Variants in ZNF451 observed in about 807,000 individuals in gnomAD.
ZNF451 encodes E3 SUMO-protein ligase ZNF451.
ZNF451 carries 80 observed loss-of-function variants against 107.1 expected under a neutral mutation model. The observed-to-expected ratio is 0.75, with a 90% CI of 0.62 to 0.90. ZNF451 has a LOEUF of 0.90. ZNF451 is among the 40% of genes least tolerant of loss of function. ZNF451 has a pLI of 0.00. For missense variants in ZNF451, 1,107 were observed against 1,236.2 expected, an observed-to-expected ratio of 0.90 and a Z score of 1.57; for synonymous variants, 362 against 406.5, an observed-to-expected ratio of 0.89 and a Z score of 1.32.
intron 14 of ZNF451, among the ~76,000 whole-genome samples, chr6:57,167,149 T>C (rs1413388649): frequency 6.6e-6 from 1 of 152,006 alleles, no homozygotes; most frequent in Non-Finnish European, 1.5e-5. Flanking sequence ...ATAACTTTAA[T>C]TGTAAAACAG....
intron 3 of ZNF451, among the ~76,000 whole-genome samples, chr6:57,114,610 C>T (rs1830275624): frequency 6.6e-6 from 1 of 152,078 alleles, no homozygotes; most frequent in African/African-American, 2.4e-5. Flanking sequence ...AGAAAAGTTA[C>T]ATACAATTTA....
intron 9 of ZNF451, among the ~76,000 whole-genome samples, chr6:57,143,637 ACGTAT>A (rs1831900473): frequency 6.6e-6 from 1 of 152,246 alleles, no homozygotes; most frequent in Non-Finnish European, 1.5e-5. Flanking sequence ...AGTTAAAAAT[ACGTAT>A]CTCTTTTTTC....
At position 57,113,653 on chromosome 6, in the gene ZNF451, G is replaced by A. The variant is rs1185449645; in HGVS notation, c.187-11081G>A. On this transcript the variant is annotated intron_variant, in intron 3 of 14. Transcript: ENST00000370706. ...TTTTTTTTTTTTGAGATGGAGTCTC[G>A]CTCTGTCACCCAGGCTGGAGTGCAG... 1.6e-4 allele frequency among the ~76,000 whole-genome samples: 23 copies of A among 142,604 alleles called. No homozygotes were observed. The East Asian group carries it at 3.2e-3, about 20-fold the overall frequency. The allele number at this position is 142,604 out of a possible 152,430, so 93.6% of individuals were successfully genotyped here.
intron 3 of ZNF451, chr6:57,101,257 G>A (rs1414960462): frequency 1.3e-6 from 2 of 1,550,962 alleles, no homozygotes; most frequent in African/African-American, 2.7e-5. Flanking sequence ...ATCTGAAGCG[G>A]AGTCATGTGA....
intron 3 of ZNF451, chr6:57,101,267 A>G: frequency 6.4e-7 from 1 of 1,551,064 alleles, no homozygotes; most frequent in Non-Finnish European, 8.7e-7. Context: ...GAGTCATGTG[A>G]AGGGAAACCT....
At chr6:57,142,528 T>G (rs991673333) in intron 9 of ZNF451, among the ~76,000 whole-genome samples, 2 of 152,216 alleles carry the variant, frequency 1.3e-5, no homozygotes, top group Admixed American at 6.5e-5. Context: ...CTATATTGTT[T>G]AGTACATTGT....
chr6:57,141,319 A>G lies in ZNF451; in HGVS notation c.720A>G (p.Gly240=). 6.2e-7 allele frequency: 1 copy of G among 1,611,024 alleles called. No individual in the cohort carries two copies. Among genetic ancestry groups the G allele is most frequent in the South Asian group, 1.1e-5 (1 of 90,364 alleles). ...HLFDKEATDD[G]HNNNLLPQII... is the part of the protein sequence containing the mutation. ...TATTTTAGGAAGCCACAGATGATGG[A>G]CATAACAACAACCTTCTTCCTCAGA... Residue 240 remains glycine, a synonymous_variant, in exon 8 of 15, where the codon GGA becomes GGG. Coordinates refer to ENST00000370706, the MANE Select transcript of ZNF451 (RefSeq NM_001031623.3).
At position 57,141,942 on chromosome 6, in the gene ZNF451, T is replaced by G; in HGVS notation, c.857-6T>G. On this transcript the variant is annotated splice_polypyrimidine_tract_variant and splice_region_variant and intron_variant, in intron 8 of 14. Transcript: ENST00000370706. ...TTTGCAAATTATAGTTTATTTTGTCTTTCAGATAACAAAGGAATTGCACAT... is the reference window on the plus strand; with the variant it reads ...TTTGCAAATTATAGTTTATTTTGTCGTTCAGATAACAAAGGAATTGCACAT... 6.2e-7 allele frequency: 1 copy of G among 1,611,928 alleles called. No homozygotes were observed. Among genetic ancestry groups the G allele is most frequent in the Non-Finnish European group, 8.5e-7 (1 of 1,178,554 alleles).
chr6:57,148,267 T>A lies in ZNF451; in HGVS notation c.2182T>A (p.Tyr728Asn), dbSNP rs1562622953. 3.1e-6 allele frequency: 5 copies of A among 1,613,994 alleles called. No individual in the cohort carries two copies. Among genetic ancestry groups the A allele is most frequent in the Non-Finnish European group, 4.2e-6 (5 of 1,179,950 alleles). The part of the protein sequence containing the change: ...NQLTCGCRES[Y>N]ICKVNRKEDY... Reference sequence around the variant, plus strand: ...GTTAACTTGTGGTTGCCGTGAGAGTTACATCTGTAAAGTCAACAGAAAAGA... The same window carrying A: ...GTTAACTTGTGGTTGCCGTGAGAGTAACATCTGTAAAGTCAACAGAAAAGA... Residue 728 changes from tyrosine to asparagine, a missense_variant, in exon 10 of 15, where the codon TAC becomes AAC. Around this residue, in one of 5 missense-constraint regions of ZNF451, gnomAD observed 608 missense variants for 649.2 expected, o/e 0.94. Transcript: ENST00000370706.
At chr6:57,148,908 T>C (rs1832219479) in intron 10 of ZNF451, among the ~76,000 whole-genome samples, 1 of 152,206 alleles carries the variant, frequency 6.6e-6, no homozygotes, top group Admixed American at 6.5e-5. Flanking sequence ...TTAAATAATA[T>C]ATATTTTAGA....
chr6:57,132,368 A>T (rs1414095325), intron 5 of ZNF451, among the ~76,000 whole-genome samples: 1 of 152,166 alleles, frequency 6.6e-6, no homozygotes, highest in Non-Finnish European at 1.5e-5. Flanking sequence ...CAGACCCTCT[A>T]TAATATAGCT....
intron 7 of ZNF451, among the ~76,000 whole-genome samples, chr6:57,138,392 A>G (rs546323455): frequency 2.4e-4 from 36 of 151,284 alleles, no homozygotes; most frequent in South Asian, 1.7e-3. Context: ...CCTCCTGGGT[A>G]GCTGGGATTA....
intron 3 of ZNF451, among the ~76,000 whole-genome samples, chr6:57,123,956 G>A (rs1483383663): frequency 6.6e-6 from 1 of 152,138 alleles, no homozygotes; most frequent in African/African-American, 2.4e-5. Flanking sequence ...CAAACAAAGA[G>A]TTTTATTTCT....
chr6:57,128,903 G>A (rs113546418), intron 5 of ZNF451, 63 bp downstream of exon 5: 67 of 1,228,566 alleles, frequency 5.5e-5, no homozygotes, highest in African/African-American at 2.0e-4. Flanking sequence ...CAGAAAGTAC[G>A]TCTGTTTTAT....
At chr6:57,094,236 A>G (rs1439901881) in intron 2 of ZNF451, among the ~76,000 whole-genome samples, 1 of 152,214 alleles carries the variant, frequency 6.6e-6, no homozygotes, top group African/African-American at 2.4e-5. Context: ...CCATGCTTCT[A>G]CATGTGCTTC....
intron 14 of ZNF451, chr6:57,165,865 A>G (rs1763873135): frequency 6.6e-6 from 1 of 152,246 alleles, no homozygotes. Context: ...ATAAAAATAC[A>G]TAAAAAATGG....
At chr6:57,132,305 C>T (rs1204638146) in intron 5 of ZNF451, among the ~76,000 whole-genome samples, 1 of 152,234 alleles carries the variant, frequency 6.6e-6, no homozygotes, top group Non-Finnish European at 1.5e-5. Flanking sequence ...CTGCTTTCTT[C>T]ATTCCATCCT....
At chr6:57,149,669 T>C (rs1832254085) in intron 10 of ZNF451, among the ~76,000 whole-genome samples, 1 of 152,246 alleles carries the variant, frequency 6.6e-6, no homozygotes, top group Non-Finnish European at 1.5e-5. Context: ...ATTGAATTTT[T>C]AGAGTCTTGC....
In ZNF451 at chr6:57,147,359, C is replaced by T. The variant is rs746428901; in HGVS notation, c.1274C>T (p.Ser425Leu). 3 of 1,614,086 alleles carry T rather than the reference C, an allele frequency of 1.9e-6. No individual in the cohort carries two copies. ...TTATTGTTGGATCAATCAAAATTTT[C>T]ATCACTTAAAAGAACCATGTCTATT... ...LHLLLDQSKF[S>L]SLKRTMSIKE... The change falls in exon 10 of 15, where the codon TCA becomes TTA. Residue 425 changes from serine (S) to leucine (L), a missense_variant. Ser to Leu is a moderately radical substitution (Grantham distance 145). Coordinates refer to ENST00000370706, the MANE Select transcript of ZNF451 (RefSeq NM_001031623.3).
Sources: gnomAD v4.1 joint callset for allele counts (sites outside exome capture counted in the v4.1 genomes callset) on GRCh38, gnomAD v4.1.1 for gene constraint, gnomAD v4.1.1 regional missense constraint, MANE v1.5 for transcripts, NCBI Gene and HGNC (gene_info 2026-07-23, HGNC 2026-07-21) for gene names.